The following FER1L6 variants were observed in gnomAD, a reference collection of about 807,000 sequenced individuals.
FER1L6 encodes the protein fer-1-like protein 6.
In FER1L6, 177 loss-of-function variants were observed where a neutral mutation model predicts 219.2. That is an observed-to-expected ratio of 0.81 (90% CI 0.71 to 0.91). FER1L6 has a LOEUF of 0.91. Ranked by LOEUF, FER1L6 falls within the 40% of genes least tolerant of loss-of-function variation. The pLI, the probability that FER1L6 is intolerant of heterozygous loss-of-function variation, is 0.00. For synonymous variants in FER1L6, 768 were observed against 824.3 expected (o/e 0.93, Z 1.17); for missense variants, 2,153 against 2,259.9 (o/e 0.95, Z 0.96).
At chr8:124,052,684 C>G (rs574776819) in intron 22 of FER1L6, among the ~76,000 whole-genome samples, 85 of 152,238 alleles carry the variant, frequency 5.6e-4, no homozygotes, top group African/African-American at 1.8e-3. Context: ...ACTCCGGAGG[C>G]TGAGGCGCCT....
At chr8:123,955,635 A>C (rs1376060439) in intron 1 of FER1L6, among the ~76,000 whole-genome samples, 2 of 152,108 alleles carry the variant, frequency 1.3e-5, no homozygotes, top group African/African-American at 4.8e-5. Context: ...TGGGCAGGAG[A>C]GGGTTGCTGT....
chr8:124,089,586 T>C (rs2130938472), intron 33 of FER1L6, among the ~76,000 whole-genome samples: 1 of 152,350 alleles, frequency 6.6e-6, no homozygotes, highest in South Asian at 2.1e-4. Flanking sequence ...TTTTAAAATA[T>C]AGACTACCAG....
At chr8:123,903,648 T>C (rs1812897525) in intron 1 of FER1L6, among the ~76,000 whole-genome samples, 1 of 152,098 alleles carries the variant, frequency 6.6e-6, no homozygotes, top group African/African-American at 2.4e-5. Flanking sequence ...GAAATGATCA[T>C]CTAATTGCCA....
chr8:124,026,858 G>A (rs74339471), intron 18 of FER1L6, among the ~76,000 whole-genome samples: 17 of 152,274 alleles, frequency 1.1e-4, no homozygotes, highest in Non-Finnish European at 2.2e-4. Context: ...TAACAAAGTA[G>A]CATAAACTGA....
intron 34 of FER1L6, among the ~76,000 whole-genome samples, chr8:124,093,522 T>C (rs548371743): frequency 6.6e-6 from 1 of 152,226 alleles, no homozygotes; most frequent in Non-Finnish European, 1.5e-5. Flanking sequence ...GGTTCTTACA[T>C]GCAGATTATT....
intron 1 of FER1L6, among the ~76,000 whole-genome samples, chr8:123,932,327 T>C (rs1039018629): frequency 7.9e-5 from 12 of 152,172 alleles, no homozygotes; most frequent in African/African-American, 2.9e-4. Flanking sequence ...CAGGCTGGTC[T>C]GAAACTCCTG....
chr8:124,003,141 CT>C (rs748274051), intron 12 of FER1L6, 25 bp from the exon 13 acceptor site: 1 of 1,606,594 alleles, frequency 6.2e-7, no homozygotes, highest in Non-Finnish European at 8.5e-7. Flanking sequence ...CACCTGACCC[CT>C]TTCCCCTTGC....
At chr8:124,043,778 C>A (rs549060063) in intron 20 of FER1L6, among the ~76,000 whole-genome samples, 1 of 152,272 alleles carries the variant, frequency 6.6e-6, no homozygotes, top group South Asian at 2.1e-4. Context: ...TGAATGAGGA[C>A]GAAGTTACCT....
intron 12 of FER1L6, among the ~76,000 whole-genome samples, chr8:123,988,088 A>C (rs1245440428): frequency 6.6e-6 from 1 of 151,028 alleles, no homozygotes; most frequent in East Asian, 1.9e-4. Context: ...ACAGAGCGCA[A>C]CTCAAAAAAA....
rs374096996 is a variant in FER1L6 at position 124,067,765 on chromosome 8, A to C, written c.3679-2A>C. 1.2e-6 allele frequency: 2 copies of C among 1,610,608 alleles called. No homozygotes were observed. Among genetic ancestry groups the C allele is most frequent in the African/African-American group, 1.3e-5 (1 of 74,928 alleles). The stretch of plus-strand genomic sequence containing the variant: ...TCAATAATATTGTCTCCTTTTTCAA[A>C]GGCAAAGGAGAGAAATCCCAAGGGA... On this transcript the variant is annotated splice_acceptor_variant, in intron 27 of 40. Transcript: ENST00000522917. LOFTEE classifies it high-confidence loss of function.
At chr8:123,942,483 A>T (rs755329465) in intron 1 of FER1L6, among the ~76,000 whole-genome samples, 4 of 152,232 alleles carry the variant, frequency 2.6e-5, no homozygotes, top group Non-Finnish European at 5.9e-5. Flanking sequence ...TTCAAACAGC[A>T]TCATCCTCTC....
In FER1L6 at chr8:123,852,623, C is replaced by T. The variant is rs1816534443; in HGVS notation, c.-8+438C>T. Among the ~76,000 whole-genome samples, 1 of 151,886 alleles carries T rather than the reference C, an allele frequency of 6.6e-6. No individual in the cohort carries two copies. The highest frequency in any genetic ancestry group is 1.5e-5 in the Non-Finnish European group (1 of 67,964). On this transcript the variant is annotated intron_variant, in intron 1 of 40. Coordinates refer to ENST00000522917, the MANE Select transcript of FER1L6 (RefSeq NM_001039112.2). This position sits in a 1 kb window ranked among gnomAD's most constrained non-coding sequence, Gnocchi z 4.9. Reference sequence around the variant, plus strand: ...TCAGGAACTCATAGAAAATGTGGGGCCTCTCACAAGATTGTTAGACTTTTA... The same window carrying T: ...TCAGGAACTCATAGAAAATGTGGGGTCTCTCACAAGATTGTTAGACTTTTA...
At chr8:123,902,688 G>C (rs1418170804) in intron 1 of FER1L6, among the ~76,000 whole-genome samples, 1 of 152,164 alleles carries the variant, frequency 6.6e-6, no homozygotes, top group Non-Finnish European at 1.5e-5. Context: ...TTATGTGTTA[G>C]GTGAGCCTCC....
At chr8:124,084,306 G>C (rs1407598859) in intron 33 of FER1L6, among the ~76,000 whole-genome samples, 1 of 151,914 alleles carries the variant, frequency 6.6e-6, no homozygotes, top group African/African-American at 2.4e-5. Flanking sequence ...TTGAATAACA[G>C]TGGTGAAAGT....
chr8:124,107,053 A>G (rs1302589419), intron 39 of FER1L6, among the ~76,000 whole-genome samples: 3 of 148,932 alleles, frequency 2.0e-5, no homozygotes, highest in African/African-American at 7.5e-5. Context: ...GGTTCACGCC[A>G]TTCTCCTGTC....
chr8:123,997,470 T>C (rs1194079904), intron 12 of FER1L6, among the ~76,000 whole-genome samples: 1 of 152,180 alleles, frequency 6.6e-6, no homozygotes, highest in Non-Finnish European at 1.5e-5. Flanking sequence ...CTTTGATTAT[T>C]AAATGTCTTG....
At chr8:123,936,182 T>C (rs1563694180) in intron 1 of FER1L6, among the ~76,000 whole-genome samples, 1 of 152,144 alleles carries the variant, frequency 6.6e-6, no homozygotes, top group Non-Finnish European at 1.5e-5. Context: ...ACAGCCTAAG[T>C]GAACGGTCCA....
At chr8:124,045,660 A>G in intron 20 of FER1L6, 107 bp from the exon 21 acceptor site, 2 of 1,217,256 alleles carry the variant, frequency 1.6e-6, no homozygotes, top group East Asian at 2.3e-5. Flanking sequence ...AGCAATCACA[A>G]TGATGATGTG....
intron 1 of FER1L6, among the ~76,000 whole-genome samples, chr8:123,912,148 C>G (rs989121525): frequency 6.6e-6 from 1 of 152,084 alleles, no homozygotes; most frequent in Non-Finnish European, 1.5e-5. Context: ...AGCAGCCAGC[C>G]TTTATGAAAT....
Sources: allele counts gnomAD v4.1 joint callset (sites outside exome capture counted in the v4.1 genomes callset), GRCh38; gene constraint gnomAD v4.1.1; non-coding constraint Gnocchi (gnomAD v3.1); transcripts MANE v1.5; gene names NCBI Gene and HGNC (gene_info 2026-07-23, HGNC 2026-07-21).